STX1A: variants seen among roughly 807,000 people sequenced by gnomAD.
STX1A encodes the protein syntaxin 1A, also known as syntaxin-1A.
A neutral mutation model predicts 37.8 loss-of-function variants in STX1A; 4 were observed. The ratio of observed to expected loss-of-function variants is 0.11; its 90% CI spans 0.05 to 0.24. The LOEUF is 0.24. STX1A is among the 10% of genes least tolerant of loss of function. STX1A has a pLI of 1.00. For synonymous variants in STX1A, 135 were observed against 147.4 expected (o/e 0.92, Z 0.61); for missense variants, 251 against 399.9 (o/e 0.63, Z 3.18).
intron 3 of STX1A, among the ~76,000 whole-genome samples, chr7:73,707,382 C>T (rs1044637332): frequency 3.9e-5 from 6 of 152,196 alleles, no homozygotes; most frequent in Non-Finnish European, 7.4e-5. Context: ...CGGGGTGCCA[C>T]ATGGCCAGGT....
intron 4 of STX1A, 170 bp from the exon 5 acceptor site, chr7:73,704,593 C>G: frequency 1.3e-6 from 1 of 742,660 alleles, no homozygotes; most frequent in Non-Finnish European, 2.2e-6. Context: ...AGAAGCCCTT[C>G]CAGCTGTGAC....
chr7:73,719,643 T>TGGCAGC lies in STX1A; in HGVS notation c.-18_-13dup, dbSNP rs1799427185. On this transcript the variant is annotated 5_prime_UTR_variant, in exon 1 of 10. Transcript: ENST00000222812. ...GTTCGGTCCTTCATGCTCCCGGGAG[T>TGGCAGC]GGCAGCGGCGCCGGCTGCAGCCGTG... 8.5e-7 allele frequency: 1 copy of TGGCAGC among 1,171,972 alleles called. No individual in the cohort carries two copies. Among genetic ancestry groups the TGGCAGC allele is most frequent in the Non-Finnish European group, 1.1e-6 (1 of 946,498 alleles). 72.6% of individuals were successfully genotyped at this position (1,171,972 alleles called of 1,614,324 possible). A position where few individuals can be genotyped will look rare whatever the true frequency, so the allele number is the denominator to read the frequency against.
rs782560813 is a variant in STX1A, at chr7:73,704,383, G to A, written c.324C>T (p.Arg108=). Residue 108 remains arginine, a synonymous_variant, in exon 5 of 10, where the codon CGC becomes CGT. Transcript: ENST00000222812. ...TCCGGATCCTCAGGTCAGCGGAGGA[G>A]CGGTTCAGGCCTTCCTCTTGCTCGA... The part of the protein sequence containing the change: ...QSIEQEEGLN[R]SSADLRIRKT... The A allele has an allele frequency of 6.2e-7, 1 of 1,614,176 alleles. No homozygotes were observed. The highest frequency in any genetic ancestry group is 2.2e-5 in the East Asian group (1 of 44,890).
At position 73,719,669 on chromosome 7, in the gene STX1A, T is replaced by C; in HGVS notation, c.-38A>G. 8.6e-7 allele frequency: 1 copy of C among 1,165,004 alleles called. No homozygotes were observed. The highest frequency in any genetic ancestry group is 1.1e-6 in the Non-Finnish European group (1 of 942,820). 72.2% of individuals were successfully genotyped at this position (1,165,004 alleles called of 1,614,324 possible). ...GGCAGCGGCGCCGGCTGCAGCCGTG[T>C]GAGCCCCGCATGCGCGACGGCCGCC... On this transcript the variant is annotated 5_prime_UTR_variant, in exon 1 of 10. Transcript: ENST00000222812.
Position 73,717,502 on chromosome 7 carries a change from C to T in STX1A, c.30+2100G>A, listed in dbSNP as rs1554618889. On this transcript the variant is annotated intron_variant, in intron 1 of 9. Coordinates refer to ENST00000222812, the MANE Select transcript of STX1A (RefSeq NM_004603.4). This position sits in a 1 kb window ranked among gnomAD's most constrained non-coding sequence, Gnocchi z 4.1. ...CCCATCCCCACTTCACAGATGGGAA[C>T]CCTAGGTCCAGAGGGAAAGCAGCCT... Among the ~76,000 whole-genome samples, 1 of 152,158 alleles carries T rather than the reference C, an allele frequency of 6.6e-6. No homozygotes were observed. Among genetic ancestry groups the T allele is most frequent in the Non-Finnish European group, 1.5e-5 (1 of 68,006 alleles).
Position 73,699,954 on chromosome 7 carries a change from C to CT in STX1A, c.*452dup, listed in dbSNP as rs1798584525. The CT allele has an allele frequency of 4.8e-6, 1 of 209,354 alleles. No homozygotes were observed. Among genetic ancestry groups the CT allele is most frequent in the Non-Finnish European group, 9.8e-6 (1 of 102,066 alleles). 13.0% of individuals were successfully genotyped at this position (209,354 alleles called of 1,614,324 possible). A position where few individuals can be genotyped will look rare whatever the true frequency, so the allele number is the denominator to read the frequency against. ...CCCTCAGGGCCACCTCTCCCCTAAC[C>CT]TGAAAAGCAGCACCATGTGGCCAGC... On this transcript the variant is annotated 3_prime_UTR_variant, in exon 10 of 10. Transcript: ENST00000222812.
intron 1 of STX1A, chr7:73,716,779 C>G (rs1799301963): frequency 6.6e-6 from 1 of 152,314 alleles, no homozygotes. Context: ...GGAGAAAGGT[C>G]AGCTCTGCAA....
rs1798877211 is a variant in STX1A at position 73,706,515 on chromosome 7, G to A, written c.209-1291C>T. 6.6e-6 allele frequency among the ~76,000 whole-genome samples: 1 copy of A among 152,046 alleles called. No homozygotes were observed. Among genetic ancestry groups the A allele is most frequent in the African/African-American group, 2.4e-5 (1 of 41,386 alleles). On this transcript the variant is annotated intron_variant, in intron 3 of 9. Coordinates refer to ENST00000222812, the MANE Select transcript of STX1A (RefSeq NM_004603.4). The surrounding 1 kb of genome is among the most constrained non-coding windows in gnomAD (Gnocchi z 4.6). ...CCAACATGAGCCCCCTCCTCTTAGC[G>A]AGAGCCTGGGACTCCGCCAGGTCTC...
Position 73,702,994 on chromosome 7 carries a change from A to G in STX1A, c.541-12T>C, listed in dbSNP as rs782399663. 3 of 1,358,584 alleles carry G rather than the reference A, an allele frequency of 2.2e-6. No homozygotes were observed. The highest frequency in any genetic ancestry group is 2.9e-6 in the Non-Finnish European group (3 of 1,036,634). 84.2% of individuals were successfully genotyped at this position (1,358,584 alleles called of 1,614,324 possible). On this transcript the variant is annotated splice_polypyrimidine_tract_variant and intron_variant, in intron 7 of 9. Transcript: ENST00000222812. The surrounding 1 kb of genome is among the most constrained non-coding windows in gnomAD (Gnocchi z 4.7). The stretch of plus-strand genomic sequence containing the variant: ...GAGTCCATGATGATCTGGGGGTGGG[A>G]GCAGGGGGCTGGGACCCAGAGGCTT...
At chr7:73,718,289 A>G (rs887495565) in intron 1 of STX1A, among the ~76,000 whole-genome samples, 3 of 152,156 alleles carry the variant, frequency 2.0e-5, no homozygotes, top group Non-Finnish European at 4.4e-5. Context: ...GGCAAAGTGG[A>G]GGCCGTGGTG....
Position 73,705,439 on chromosome 7 carries a change from CGGA to C in STX1A, c.209-218_209-216del. On this transcript the variant is annotated intron_variant, in intron 3 of 9. Transcript: ENST00000222812. The surrounding 1 kb of genome is among the most constrained non-coding windows in gnomAD (Gnocchi z 5.2). ...GCTTCACCCCCTCTTGTGCTGTCTT[CGGA>C]GGAGCCTCCCTTCCTCCTTTGCTGG... is the stretch of plus-strand genomic sequence containing the variant. 1.8e-6 allele frequency: 1 copy of C among 550,254 alleles called. No homozygotes were observed. Among genetic ancestry groups the C allele is most frequent in the Non-Finnish European group, 3.3e-6 (1 of 307,676 alleles). The allele number at this position is 550,254 out of a possible 1,614,324, so 34.1% of individuals were successfully genotyped here.
rs1351278499 is a variant in STX1A at position 73,700,602 on chromosome 7, C to T, written c.790-118G>A. On this transcript the variant is annotated intron_variant, in intron 9 of 9. Transcript: ENST00000222812. The surrounding 1 kb of genome is among the most constrained non-coding windows in gnomAD (Gnocchi z 4.4). ...GGATCCAAGCAGGGGAAGGTGACGGCCTGGGAGGGGGCTGTCATGGGGAGC... is the reference window on the plus strand; with the variant it reads ...GGATCCAAGCAGGGGAAGGTGACGGTCTGGGAGGGGGCTGTCATGGGGAGC... 87 of 1,504,092 alleles carry T rather than the reference C, an allele frequency of 5.8e-5. No individual in the cohort carries two copies. The highest frequency in any genetic ancestry group is 7.4e-5 in the Non-Finnish European group (82 of 1,104,742). The allele number at this position is 1,504,092 out of a possible 1,614,324, so 93.2% of individuals were successfully genotyped here.
Position 73,705,248 on chromosome 7 carries a change from G to A in STX1A, c.209-24C>T. ...CTCTGGGGAGGTAGAAAGGGTGGGGGTAGGCCTCCTAGGCTCCGCGGGGAC... is the reference window on the plus strand; with the variant it reads ...CTCTGGGGAGGTAGAAAGGGTGGGGATAGGCCTCCTAGGCTCCGCGGGGAC... On this transcript the variant is annotated intron_variant, in intron 3 of 9. Coordinates refer to ENST00000222812, the MANE Select transcript of STX1A (RefSeq NM_004603.4). The surrounding 1 kb of genome is among the most constrained non-coding windows in gnomAD (Gnocchi z 5.2). 1 of 1,606,716 alleles carries A rather than the reference G, an allele frequency of 6.2e-7. No homozygotes were observed. Among genetic ancestry groups the A allele is most frequent in the Non-Finnish European group, 8.5e-7 (1 of 1,173,496 alleles).
intron 1 of STX1A, among the ~76,000 whole-genome samples, chr7:73,718,131 G>A (rs782204576): frequency 4.6e-5 from 7 of 151,960 alleles, no homozygotes; most frequent in East Asian, 1.9e-4. Flanking sequence ...CTGACTCAAC[G>A]GAGCTCAGGA....
intron 7 of STX1A, among the ~76,000 whole-genome samples, 183 bp from the exon 8 acceptor site, chr7:73,703,165 C>T (rs917885010): frequency 6.6e-6 from 1 of 152,208 alleles, no homozygotes; most frequent in Non-Finnish European, 1.5e-5. Context: ...TACCTAATTT[C>T]TCTGCAAGCC....
At position 73,706,615 on chromosome 7, in the gene STX1A, C is replaced by G. The variant is rs1049928883; in HGVS notation, c.209-1391G>C. 1.3e-5 allele frequency among the ~76,000 whole-genome samples: 2 copies of G among 152,134 alleles called. No individual in the cohort carries two copies. Among genetic ancestry groups the G allele is most frequent in the Non-Finnish European group, 2.9e-5 (2 of 68,018 alleles). ...CATGACACCGCAGCAGGAGACGGTG[C>G]AGGAGGTGGCCTGCAGGAGCCCAAG... On this transcript the variant is annotated intron_variant, in intron 3 of 9. Transcript: ENST00000222812. This position sits in a 1 kb window ranked among gnomAD's most constrained non-coding sequence, Gnocchi z 4.6.
Position 73,705,247 on chromosome 7 carries a change from G to C in STX1A, c.209-23C>G. ...TCTCTGGGGAGGTAGAAAGGGTGGG[G>C]GTAGGCCTCCTAGGCTCCGCGGGGA... On this transcript the variant is annotated intron_variant, in intron 3 of 9. Transcript: ENST00000222812. The surrounding 1 kb of genome is among the most constrained non-coding windows in gnomAD (Gnocchi z 5.2). 6.2e-7 allele frequency: 1 copy of C among 1,607,950 alleles called. No individual in the cohort carries two copies. The highest frequency in any genetic ancestry group is 1.1e-5 in the South Asian group (1 of 90,952).
chr7:73,712,477 C>A (rs1050631151), intron 1 of STX1A, among the ~76,000 whole-genome samples: 1 of 152,038 alleles, frequency 6.6e-6, no homozygotes. Context: ...CCTGCCCCCC[C>A]AAATCAGTAT....
Position 73,714,149 on chromosome 7 carries a change from C to T in STX1A, c.31-5027G>A, listed in dbSNP as rs1681847453. 2.0e-5 allele frequency among the ~76,000 whole-genome samples: 3 copies of T among 151,382 alleles called. No homozygotes were observed. The South Asian group carries it at 6.2e-4, about 31-fold the overall frequency. On this transcript the variant is annotated intron_variant, in intron 1 of 9. Transcript: ENST00000222812. ...TTTGAGGCAGAGTCTCGCTCTGTTG[C>T]CCAGGCTGGAGCGCAGTGGCGCAAT...
Sources: allele counts gnomAD v4.1 joint callset (sites outside exome capture counted in the v4.1 genomes callset), GRCh38; gene constraint gnomAD v4.1.1; non-coding constraint Gnocchi (gnomAD v3.1); transcripts MANE v1.5; gene names NCBI Gene and HGNC (gene_info 2026-07-23, HGNC 2026-07-21).